Variants in ADGRL3 observed in about 807,000 individuals in gnomAD.
ADGRL3 encodes the protein adhesion G protein-coupled receptor L3, also known as calcium-independent alpha-latrotoxin receptor 3.
In ADGRL3, 62 loss-of-function variants were observed where a neutral mutation model predicts 153.5. The ratio of observed to expected loss-of-function variants is 0.40; its 90% CI spans 0.33 to 0.50. The LOEUF is 0.50. ADGRL3 is among the 20% of genes least tolerant of loss of function. The pLI is 0.47. For synonymous variants in ADGRL3, 710 were observed against 672.5 expected, an observed-to-expected ratio of 1.06 and a Z score of -0.86; for missense variants, 1,641 against 1,859.4, an observed-to-expected ratio of 0.88 and a Z score of 2.16.
intron 9 of ADGRL3, among the ~76,000 whole-genome samples, chr4:61,846,371 G>A (rs1208671365): frequency 6.6e-6 from 1 of 151,572 alleles, no homozygotes; most frequent in Non-Finnish European, 1.5e-5. Flanking sequence ...ACATATTCAT[G>A]TAGAACATAC....
At chr4:62,061,255 G>A (rs948132904) in intron 25 of ADGRL3, among the ~76,000 whole-genome samples, 1 of 151,648 alleles carries the variant, frequency 6.6e-6, no homozygotes, top group South Asian at 2.1e-4. Flanking sequence ...TTACAAGTGT[G>A]AGCCACTGTG....
chr4:61,932,514 G>A (rs1381145475), intron 13 of ADGRL3, among the ~76,000 whole-genome samples: 1 of 152,020 alleles, frequency 6.6e-6, no homozygotes, highest in Non-Finnish European at 1.5e-5. Context: ...CTGTATCCAG[G>A]GATAAATTGC....
At chr4:61,686,656 C>T (rs2095449529) in intron 6 of ADGRL3, among the ~76,000 whole-genome samples, 1 of 152,022 alleles carries the variant, frequency 6.6e-6, no homozygotes. Context: ...TCAAAATACT[C>T]TCTTCCATCT....
At chr4:61,365,976 A>C (rs995420709) in intron 1 of ADGRL3, among the ~76,000 whole-genome samples, 5 of 152,216 alleles carry the variant, frequency 3.3e-5, no homozygotes, top group African/African-American at 9.7e-5. Context: ...ATTGTTTCTC[A>C]ACAAGTTATT....
At chr4:61,787,517 C>T (rs945088277) in intron 8 of ADGRL3, among the ~76,000 whole-genome samples, 1 of 151,844 alleles carries the variant, frequency 6.6e-6, no homozygotes, top group Non-Finnish European at 1.5e-5. Flanking sequence ...ACTGGGGACT[C>T]CCATATTAGT....
intron 9 of ADGRL3, among the ~76,000 whole-genome samples, chr4:61,832,045 C>A (rs2148877003): frequency 6.6e-6 from 1 of 152,078 alleles, no homozygotes; most frequent in East Asian, 1.9e-4. Flanking sequence ...AGTGTAGAGG[C>A]CAAGGGAAAG....
intron 21 of ADGRL3, among the ~76,000 whole-genome samples, chr4:62,020,540 C>T (rs2099233217): frequency 6.6e-6 from 1 of 152,078 alleles, no homozygotes; most frequent in Admixed American, 6.6e-5. Context: ...TGAAGTGTTA[C>T]TGACTAAAGT....
At chr4:61,671,865 C>G (rs1372135626) in intron 5 of ADGRL3, among the ~76,000 whole-genome samples, 1 of 152,144 alleles carries the variant, frequency 6.6e-6, no homozygotes, top group Non-Finnish European at 1.5e-5. Context: ...CTGGACTCCA[C>G]TGACTATTAT....
chr4:61,355,040 A>G (rs1288231860), intron 1 of ADGRL3, among the ~76,000 whole-genome samples: 1 of 152,104 alleles, frequency 6.6e-6, no homozygotes, highest in Non-Finnish European at 1.5e-5. Context: ...CAATACAAAG[A>G]CCAGGTTTAT....
intron 6 of ADGRL3, among the ~76,000 whole-genome samples, chr4:61,701,708 A>T (rs1183124191): frequency 6.6e-6 from 1 of 152,084 alleles, no homozygotes; most frequent in Non-Finnish European, 1.5e-5. Context: ...AAGTGCTGGG[A>T]TTGCAGACAT....
At chr4:61,257,076 C>T (rs2092038497) in intron 1 of ADGRL3, among the ~76,000 whole-genome samples, 1 of 152,084 alleles carries the variant, frequency 6.6e-6, no homozygotes, top group Admixed American at 6.6e-5. Flanking sequence ...TCCACAAAGC[C>T]AATGATAAAT....
At chr4:61,668,512 G>A (rs532588529) in intron 5 of ADGRL3, among the ~76,000 whole-genome samples, 1 of 152,204 alleles carries the variant, frequency 6.6e-6, no homozygotes, top group East Asian at 1.9e-4. Context: ...CATCTCTTTG[G>A]TTATATTGTC....
At position 61,766,564 on chromosome 4, in the gene ADGRL3, C is replaced by A. The variant is rs563380168; in HGVS notation, c.1399+33010C>A. On this transcript the variant is annotated intron_variant, in intron 8 of 26. Transcript: ENST00000683033. Reference sequence around the variant, plus strand: ...TGAGAGATCAGTCGGACACGATTGGCAGGGAGAGCACGTGTGTTTTTATGA... The same window carrying A: ...TGAGAGATCAGTCGGACACGATTGGAAGGGAGAGCACGTGTGTTTTTATGA... 9.5e-3 allele frequency among the ~76,000 whole-genome samples: 1,440 copies of A among 152,054 alleles called. 28 individuals carry two copies. The highest frequency in any genetic ancestry group is 0.033 in the African/African-American group (1,365 of 41,388).
intron 6 of ADGRL3, among the ~76,000 whole-genome samples, chr4:61,709,801 T>C (rs993116324): frequency 6.6e-6 from 1 of 152,174 alleles, no homozygotes; most frequent in Non-Finnish European, 1.5e-5. Context: ...ACTTTATTAA[T>C]GATTACAATC....
chr4:62,070,997 C>T lies in ADGRL3; in HGVS notation c.*89C>T. 4 of 1,087,578 alleles carry T rather than the reference C, an allele frequency of 3.7e-6. No homozygotes were observed. Among genetic ancestry groups the T allele is most frequent in the Non-Finnish European group, 5.2e-6 (4 of 769,792 alleles). 67.4% of individuals were successfully genotyped at this position (1,087,578 alleles called of 1,614,324 possible). ...ATAAGCAGTGGTAATAATGTGTGTA[C>T]TCCTAAATCTTTATGCTGTCCTCTA... On this transcript the variant is annotated 3_prime_UTR_variant, in exon 27 of 27. Transcript: ENST00000683033.
At chr4:61,997,201 G>A (rs1182535435) in intron 20 of ADGRL3, among the ~76,000 whole-genome samples, 1 of 150,382 alleles carries the variant, frequency 6.6e-6, no homozygotes, top group Non-Finnish European at 1.5e-5. Context: ...AATACTCACA[G>A]TGGAGACTAG....
At chr4:61,976,857 A>G (rs2099049911) in intron 17 of ADGRL3, among the ~76,000 whole-genome samples, 1 of 152,162 alleles carries the variant, frequency 6.6e-6, no homozygotes, top group Admixed American at 6.6e-5. Flanking sequence ...CAGCATGAGA[A>G]TGGACTAATG....
At chr4:61,349,450 A>C (rs2095995350) in intron 1 of ADGRL3, among the ~76,000 whole-genome samples, 2 of 152,084 alleles carry the variant, frequency 1.3e-5, no homozygotes, top group Admixed American at 1.3e-4. Flanking sequence ...ACAGCTCAAC[A>C]ATTACCCATG....
chr4:61,269,568 T>C (rs1255650197), intron 1 of ADGRL3, among the ~76,000 whole-genome samples: 1 of 151,690 alleles, frequency 6.6e-6, no homozygotes, highest in Non-Finnish European at 1.5e-5. Context: ...AAACATGACA[T>C]TAAATAAAGC....
Sources: gnomAD v4.1 joint callset for allele counts (sites outside exome capture counted in the v4.1 genomes callset) on GRCh38, gnomAD v4.1.1 for gene constraint, MANE v1.5 for transcripts, NCBI Gene and HGNC (gene_info 2026-07-23, HGNC 2026-07-21) for gene names.